Variants in DENND4C observed in about 807,000 individuals in gnomAD.
DENND4C encodes DENN domain-containing protein 4C.
DENND4C carries 108 observed loss-of-function variants against 203.0 expected under a neutral mutation model. The observed-to-expected ratio is 0.53, with a 90% CI of 0.46 to 0.62. DENND4C has a LOEUF of 0.62. Among genes scored for constraint, DENND4C ranks in the 20% least tolerant of loss-of-function variants. The pLI is 0.00. For synonymous variants in DENND4C, 871 were observed against 792.4 expected (o/e 1.10, Z -1.67); for missense variants, 2,481 against 2,301.2 (o/e 1.08, Z -1.60).
intron 1 of DENND4C, among the ~76,000 whole-genome samples, chr9:19,275,634 C>G (rs988903542): frequency 3.3e-5 from 5 of 151,932 alleles, no homozygotes; most frequent in Non-Finnish European, 5.9e-5. Flanking sequence ...CCAGGCTCAG[C>G]TAAATTTTTG....
rs1217575170 is a variant in DENND4C at position 19,332,009 on chromosome 9, G to A, written c.2285G>A (p.Arg762Lys). The A allele has an allele frequency of 1.9e-6, 3 of 1,613,898 alleles. No individual in the cohort carries two copies. In the East Asian group the frequency reaches 6.7e-5, roughly 36 times the overall value. ...AAAACAGCTCATAAATTGGCGAAGA[G>A]ATGTTATACAAATCCACCACAGTGG... is the stretch of plus-strand genomic sequence containing the variant. ...EIKTAHKLAK[R>K]CYTNPPQWAK... The change falls in exon 17 of 33, where the codon AGA becomes AAA. Residue 762 changes from arginine to lysine, a missense_variant. Physicochemically the swap from Arg to Lys is conservative, Grantham distance 26 (BLOSUM62 2). Transcript: ENST00000434457.
intron 9 of DENND4C, 128 bp from the exon 10 acceptor site, chr9:19,305,224 A>G: frequency 2.8e-6 from 2 of 713,800 alleles, no homozygotes; most frequent in Non-Finnish European, 4.5e-6. Context: ...TAGTTTTGGA[A>G]TGAAGTTTAA....
intron 1 of DENND4C, among the ~76,000 whole-genome samples, chr9:19,237,947 G>C (rs889974206): frequency 5.9e-5 from 9 of 152,072 alleles, no homozygotes; most frequent in African/African-American, 1.9e-4. Context: ...CAAAGTGGGT[G>C]GTTTCTAACA....
chr9:19,308,699 C>A (rs148522279), intron 10 of DENND4C, among the ~76,000 whole-genome samples: 3 of 152,026 alleles, frequency 2.0e-5, no homozygotes, highest in East Asian at 3.9e-4. Flanking sequence ...TTATGGAGTA[C>A]TGTTTTTGGT....
chr9:19,338,391 T>C (rs1444882021), intron 20 of DENND4C, among the ~76,000 whole-genome samples: 1 of 152,162 alleles, frequency 6.6e-6, no homozygotes, highest in South Asian at 2.1e-4. Flanking sequence ...ATTTACTCCT[T>C]TAATGGAAAT....
At position 19,358,178 on chromosome 9, in the gene DENND4C, C is replaced by CT; in HGVS notation, c.5160+18_5160+19insT. 3.1e-6 allele frequency: 5 copies of CT among 1,600,626 alleles called. No individual in the cohort carries two copies. Among genetic ancestry groups the CT allele is most frequent in the Non-Finnish European group, 4.3e-6 (5 of 1,169,268 alleles). On this transcript the variant is annotated intron_variant, in intron 28 of 32. Coordinates refer to ENST00000434457, the MANE Select transcript of DENND4C (RefSeq NM_001330640.2). This position sits in a 1 kb window ranked among gnomAD's most constrained non-coding sequence, Gnocchi z 4.8. ...AAGTTGTGGTATGTAACAACAACAA[C>CT]ATTGTAATTATACTGCATACACACC...
chr9:19,368,905 G>C (rs558663426), intron 30 of DENND4C, among the ~76,000 whole-genome samples: 1 of 152,270 alleles, frequency 6.6e-6, no homozygotes, highest in South Asian at 2.1e-4. Context: ...TAATTCCAGT[G>C]ATTTGGGAGG....
intron 12 of DENND4C, among the ~76,000 whole-genome samples, chr9:19,320,568 G>A (rs980669084): frequency 6.6e-6 from 1 of 152,170 alleles, no homozygotes; most frequent in African/African-American, 2.4e-5. Context: ...CATTTCAAGT[G>A]CTAAATTGCC....
chr9:19,324,517 T>G lies in DENND4C; in HGVS notation c.1953+10T>G. 1 of 1,600,174 alleles carries G rather than the reference T, an allele frequency of 6.2e-7. No individual in the cohort carries two copies. Among genetic ancestry groups the G allele is most frequent in the Non-Finnish European group, 8.5e-7 (1 of 1,177,048 alleles). Reference sequence around the variant, plus strand: ...TGACTGCATAGAAAAGGTAAAAGTTTGTACTTATACTAGTGTTTAGAAAAA... The same window carrying G: ...TGACTGCATAGAAAAGGTAAAAGTTGGTACTTATACTAGTGTTTAGAAAAA... On this transcript the variant is annotated intron_variant, in intron 13 of 32. Coordinates refer to ENST00000434457, the MANE Select transcript of DENND4C (RefSeq NM_001330640.2).
intron 22 of DENND4C, among the ~76,000 whole-genome samples, chr9:19,344,041 A>G (rs1028072020): frequency 6.6e-6 from 1 of 152,244 alleles, no homozygotes; most frequent in Non-Finnish European, 1.5e-5. Flanking sequence ...GCTTAAAAGA[A>G]TATCTCTAAA....
chr9:19,261,333 A>C (rs953233131), intron 1 of DENND4C, among the ~76,000 whole-genome samples: 1 of 151,574 alleles, frequency 6.6e-6, no homozygotes, highest in Non-Finnish European at 1.5e-5. Flanking sequence ...AGCTTTGACT[A>C]TTCTGGGTCT....
chr9:19,263,406 G>C (rs1196079770), intron 1 of DENND4C, among the ~76,000 whole-genome samples: 3 of 151,434 alleles, frequency 2.0e-5, no homozygotes, highest in African/African-American at 7.3e-5. Context: ...ACCCAGGCTA[G>C]AGTGCAATGG....
At chr9:19,304,911 T>G (rs1169207394) in intron 9 of DENND4C, among the ~76,000 whole-genome samples, 1 of 151,248 alleles carries the variant, frequency 6.6e-6, no homozygotes, top group Non-Finnish European at 1.5e-5. Context: ...ATAATTAGTT[T>G]TTTTTTTTTT....
chr9:19,327,741 G>A (rs1818123215), intron 15 of DENND4C, among the ~76,000 whole-genome samples: 1 of 151,732 alleles, frequency 6.6e-6, no homozygotes, highest in African/African-American at 2.4e-5. Flanking sequence ...TTGAATACAT[G>A]GATTATCTTG....
intron 2 of DENND4C, among the ~76,000 whole-genome samples, chr9:19,286,345 G>A (rs1212332882): frequency 6.6e-6 from 1 of 152,002 alleles, no homozygotes; most frequent in Non-Finnish European, 1.5e-5. Context: ...ACGTTTTATA[G>A]TTTTCAGAGG....
chr9:19,371,889 T>C lies in DENND4C; in HGVS notation c.5740+69T>C, dbSNP rs555876782. 1.3e-4 allele frequency: 168 copies of C among 1,333,600 alleles called. 1 individual carries two copies. The South Asian group carries it at 2.2e-3, about 17-fold the overall frequency. 82.6% of individuals were successfully genotyped at this position (1,333,600 alleles called of 1,614,324 possible). On this transcript the variant is annotated intron_variant, in intron 32 of 32. Coordinates refer to ENST00000434457, the MANE Select transcript of DENND4C (RefSeq NM_001330640.2). ...TATTTTCAAAAGTAATTTTTAAAAA[T>C]GTAGCTGGTATGTATAAAAGATTTA...
rs768879715 is a variant in DENND4C, at chr9:19,346,441, C to T, written c.3672C>T (p.Ser1224=). 6 of 1,613,856 alleles carry T rather than the reference C, an allele frequency of 3.7e-6. No homozygotes were observed. The highest frequency in any genetic ancestry group is 1.1e-5 in the South Asian group (1 of 91,062). ...AGTCCAGAGACTTGAAAACAGTATC[C>T]AAAGATCTGAGGAATAAGAGAAGTA... ...SNQSRDLKTV[S]KDLRNKRSSL... The change falls in exon 23 of 33, where the codon TCC becomes TCT. Residue 1224 remains serine, a synonymous_variant. Transcript: ENST00000434457.
chr9:19,304,781 C>T (rs1839332072), intron 9 of DENND4C, among the ~76,000 whole-genome samples: 2 of 148,512 alleles, frequency 1.3e-5, no homozygotes, highest in African/African-American at 5.0e-5. Flanking sequence ...GATCTCCTGA[C>T]CTTGTGATCC....
chr9:19,340,156 AT>A (rs1454195107), intron 20 of DENND4C, among the ~76,000 whole-genome samples: 3 of 152,100 alleles, frequency 2.0e-5, no homozygotes, highest in African/African-American at 7.2e-5. Flanking sequence ...AGAAGCCAAG[AT>A]TTGGGCTCAG....
Sources: gnomAD v4.1 joint callset for allele counts (sites outside exome capture counted in the v4.1 genomes callset) on GRCh38, gnomAD v4.1.1 for gene constraint, Gnocchi (gnomAD v3.1) non-coding constraint, MANE v1.5 for transcripts, NCBI Gene and HGNC (gene_info 2026-07-23, HGNC 2026-07-21) for gene names.